Variants in PTPRD observed in about 807,000 individuals in gnomAD.
PTPRD encodes protein tyrosine phosphatase receptor type D.
Under a neutral mutation model 214.5 loss-of-function variants are expected in PTPRD, and 34 were observed. The observed-to-expected ratio is 0.16, with a 90% confidence interval of 0.12 to 0.21. The LOEUF is 0.21. Among genes scored for constraint, PTPRD ranks in the 10% least tolerant of loss-of-function variants. PTPRD has a pLI of 1.00. For missense variants in PTPRD, 2,545 were observed against 2,398.7 expected, an observed-to-expected ratio of 1.06 and a Z score of -1.27; for synonymous variants, 1,128 against 845.7, an observed-to-expected ratio of 1.33 and a Z score of -5.79.
chr9:9,748,967 AAT>A (rs773944607), intron 6 of PTPRD, among the ~76,000 whole-genome samples: 1 of 152,208 alleles, frequency 6.6e-6, no homozygotes, highest in Admixed American at 6.5e-5. Context: ...GGGAAAAATC[AAT>A]AGTGTGGCAA....
At chr9:9,391,821 C>G (rs1186329091) in intron 9 of PTPRD, among the ~76,000 whole-genome samples, 1 of 152,048 alleles carries the variant, frequency 6.6e-6, no homozygotes, top group Non-Finnish European at 1.5e-5. Flanking sequence ...TAAGAAAAAG[C>G]AAAAAGTTTC....
At chr9:9,202,780 G>A (rs2099942628) in intron 9 of PTPRD, among the ~76,000 whole-genome samples, 1 of 152,098 alleles carries the variant, frequency 6.6e-6, no homozygotes, top group African/African-American at 2.4e-5. Context: ...TTCAGTTATG[G>A]GGACTTTATA....
intron 3 of PTPRD, among the ~76,000 whole-genome samples, chr9:10,282,094 A>G (rs184837124): frequency 6.6e-6 from 1 of 152,240 alleles, no homozygotes; most frequent in East Asian, 1.9e-4. Flanking sequence ...AGATGAAACA[A>G]TGAAAGCAGT....
intron 9 of PTPRD, among the ~76,000 whole-genome samples, chr9:9,242,403 T>A (rs1271581839): frequency 6.6e-6 from 1 of 152,178 alleles, no homozygotes; most frequent in Non-Finnish European, 1.5e-5. Flanking sequence ...CCTTGCTAGA[T>A]TGGGGAAGTT....
At chr9:9,720,177 G>T (rs773483922) in intron 7 of PTPRD, among the ~76,000 whole-genome samples, 5 of 152,062 alleles carry the variant, frequency 3.3e-5, no homozygotes, top group Admixed American at 3.3e-4. Flanking sequence ...TCTTATAATC[G>T]TTTACTAGGT....
chr9:9,233,187 C>T (rs1033642828), intron 9 of PTPRD, among the ~76,000 whole-genome samples: 1 of 152,202 alleles, frequency 6.6e-6, no homozygotes, highest in East Asian at 1.9e-4. Context: ...GGCGAGGCCT[C>T]AGGAAACTCA....
At chr9:8,694,267 T>C (rs1274823815) in intron 12 of PTPRD, among the ~76,000 whole-genome samples, 3 of 152,068 alleles carry the variant, frequency 2.0e-5, no homozygotes, top group South Asian at 2.1e-4. Flanking sequence ...GAATAGAAAA[T>C]AGCCATGGGA....
intron 9 of PTPRD, among the ~76,000 whole-genome samples, chr9:9,237,727 A>G (rs1013520081): frequency 6.6e-6 from 1 of 152,094 alleles, no homozygotes; most frequent in African/African-American, 2.4e-5. Flanking sequence ...TCTTCTGTCT[A>G]TTTGATCCTG....
At chr9:10,401,554 A>G (rs2098269749) in intron 2 of PTPRD, among the ~76,000 whole-genome samples, 1 of 150,420 alleles carries the variant, frequency 6.6e-6, no homozygotes, top group Non-Finnish European at 1.5e-5. Context: ...GTGTAACAGT[A>G]TATCTATAGT....
chr9:8,970,608 G>GA (rs1362193566), intron 11 of PTPRD, among the ~76,000 whole-genome samples: 1 of 151,532 alleles, frequency 6.6e-6, no homozygotes, highest in African/African-American at 2.4e-5. Context: ...GTGGAGAAAA[G>GA]AAAAAACCAC....
At chr9:9,358,119 T>A (rs2054575944) in intron 9 of PTPRD, among the ~76,000 whole-genome samples, 1 of 151,310 alleles carries the variant, frequency 6.6e-6, no homozygotes, top group African/African-American at 2.4e-5. Flanking sequence ...GAAAATCTTT[T>A]GTTTGAAGAC....
intron 7 of PTPRD, among the ~76,000 whole-genome samples, chr9:9,631,207 AAATAAATAAAT>A: frequency 1.3e-5 from 2 of 150,410 alleles, no homozygotes; most frequent in African/African-American, 2.4e-5. Flanking sequence ...ATAAATAAAT[AAATAAATAAAT>A]AAATAAAAAG....
intron 9 of PTPRD, among the ~76,000 whole-genome samples, chr9:9,339,087 T>A (rs574004241): frequency 6.6e-6 from 1 of 152,114 alleles, no homozygotes. Flanking sequence ...GCCAGTGCCA[T>A]TGGGAGGGCT....
chr9:9,729,437 T>C (rs1030174691), intron 7 of PTPRD, among the ~76,000 whole-genome samples: 2 of 152,066 alleles, frequency 1.3e-5, no homozygotes, highest in African/African-American at 4.8e-5. Context: ...CCAAAAGTAA[T>C]CCTATGACCA....
At chr9:9,924,162 T>C (rs1245457373) in intron 5 of PTPRD, among the ~76,000 whole-genome samples, 9 of 151,940 alleles carry the variant, frequency 5.9e-5, no homozygotes, top group Admixed American at 5.9e-4. Flanking sequence ...GAGAGAATAG[T>C]GGGAAAAGAG....
At chr9:9,652,500 G>T (rs762025233) in intron 7 of PTPRD, among the ~76,000 whole-genome samples, 10 of 151,998 alleles carry the variant, frequency 6.6e-5, no homozygotes, top group Admixed American at 5.9e-4. Context: ...ATTTCAATAG[G>T]CTCCCTATAA....
At chr9:8,936,589 G>C (rs2098999657) in intron 11 of PTPRD, among the ~76,000 whole-genome samples, 1 of 152,100 alleles carries the variant, frequency 6.6e-6, no homozygotes, top group Non-Finnish European at 1.5e-5. Flanking sequence ...GCCTTGCTTT[G>C]AGGAACTGGA....
Position 9,465,782 on chromosome 9 carries a change from CA to C in PTPRD, c.-236-68301del, listed in dbSNP as rs141663046. On this transcript the variant is annotated intron_variant, in intron 8 of 45. Transcript: ENST00000381196. ...GGTGACAGTATTGTTACATCTATGT[CA>C]GGGGTGGGGGAAGTGGCGATTTGCT... Among the ~76,000 whole-genome samples the C allele has an allele frequency of 1.9e-3, 286 of 152,016 alleles. 5 individuals carry two copies. The highest frequency in any genetic ancestry group is 6.6e-3 in the African/African-American group (272 of 41,468).
At chr9:9,159,609 T>C (rs2099884587) in intron 10 of PTPRD, among the ~76,000 whole-genome samples, 1 of 152,152 alleles carries the variant, frequency 6.6e-6, no homozygotes, top group Non-Finnish European at 1.5e-5. Context: ...GAAGAACTAA[T>C]ATTGTTAAAA....
Sources: gnomAD v4.1 joint callset for allele counts (sites outside exome capture counted in the v4.1 genomes callset) on GRCh38, gnomAD v4.1.1 for gene constraint, MANE v1.5 for transcripts, NCBI Gene and HGNC (gene_info 2026-07-23, HGNC 2026-07-21) for gene names.